The following FXR1 variants were observed in gnomAD, a reference collection of about 807,000 sequenced individuals.
FXR1 encodes the protein FMR1 autosomal homolog 1, also known as RNA-binding protein FXR1.
FXR1 carries 15 observed loss-of-function variants against 84.0 expected under a neutral mutation model. The observed-to-expected ratio is 0.18, with a 90% CI of 0.12 to 0.27. The LOEUF is 0.27. FXR1 is among the 10% of genes least tolerant of loss of function. The pLI is 1.00. For missense variants in FXR1, 480 were observed against 774.4 expected (o/e 0.62, Z 4.51); for synonymous variants, 245 against 250.7 (o/e 0.98, Z 0.21).
At chr3:180,951,038 G>C (rs1722182274) in intron 7 of FXR1, among the ~76,000 whole-genome samples, 1 of 151,658 alleles carries the variant, frequency 6.6e-6, no homozygotes, top group African/African-American at 2.4e-5. Context: ...CATAGTGAGA[G>C]CTCGTCTCTA....
chr3:180,925,564 G>A (rs745535677), intron 1 of FXR1, among the ~76,000 whole-genome samples: 1 of 152,120 alleles, frequency 6.6e-6, no homozygotes, highest in Non-Finnish European at 1.5e-5. Flanking sequence ...TTACCATCAG[G>A]TGCCACAGAA....
At chr3:180,923,173 T>C (rs1447099943) in intron 1 of FXR1, among the ~76,000 whole-genome samples, 1 of 152,204 alleles carries the variant, frequency 6.6e-6, no homozygotes, top group African/African-American at 2.4e-5. Flanking sequence ...GTTTGAAAGT[T>C]GTTTTTCTTG....
chr3:180,933,300 A>G (rs1576920667), intron 1 of FXR1, 34 bp from the exon 2 acceptor site: 1 of 1,292,130 alleles, frequency 7.7e-7, no homozygotes, highest in Non-Finnish European at 1.1e-6. Flanking sequence ...GTGCTTTAAT[A>G]TCTATGCTTT....
rs566921532 is a variant in FXR1, at chr3:180,947,413, G to A, written c.199-452G>A. 1.1e-4 allele frequency among the ~76,000 whole-genome samples: 16 copies of A among 152,204 alleles called. No individual in the cohort carries two copies. The East Asian group carries it at 2.5e-3, about 24-fold the overall frequency. ...TGGACTGAATGTGTGTAATTTTTTTGTTCAGTTAAACAATTTTAGTACATT... is the reference window on the plus strand; with the variant it reads ...TGGACTGAATGTGTGTAATTTTTTTATTCAGTTAAACAATTTTAGTACATT... On this transcript the variant is annotated intron_variant, in intron 3 of 16. Transcript: ENST00000357559.
intron 10 of FXR1, among the ~76,000 whole-genome samples, chr3:180,960,405 A>G (rs913819309): frequency 1.3e-5 from 2 of 152,336 alleles, no homozygotes; most frequent in East Asian, 3.9e-4. Context: ...CTTTAAAGCT[A>G]TACCTACTAA....
chr3:180,919,695 A>T (rs950983400), intron 1 of FXR1, among the ~76,000 whole-genome samples: 2 of 148,296 alleles, frequency 1.3e-5, no homozygotes, highest in Non-Finnish European at 3.0e-5. Flanking sequence ...TTATTTTGAG[A>T]TGGAGTCTTG....
chr3:180,965,915 T>C (rs910628673), intron 13 of FXR1, among the ~76,000 whole-genome samples: 2 of 152,196 alleles, frequency 1.3e-5, no homozygotes, highest in African/African-American at 4.8e-5. Context: ...CTTTACTTGC[T>C]GTGACACGGG....
chr3:180,948,701 A>G lies in FXR1; in HGVS notation c.420-20A>G, dbSNP rs1259572747. On this transcript the variant is annotated intron_variant, in intron 5 of 16. Coordinates refer to ENST00000357559, the MANE Select transcript of FXR1 (RefSeq NM_005087.4). ...TTAATCTGTTATTGAGTTCTTACACATAAATTGATTTCTCTCTAGGTGTGC... is the reference window on the plus strand; with the variant it reads ...TTAATCTGTTATTGAGTTCTTACACGTAAATTGATTTCTCTCTAGGTGTGC... 6.2e-6 allele frequency: 8 copies of G among 1,290,908 alleles called. No individual in the cohort carries two copies. The African/African-American group carries it at 8.8e-5, about 14-fold the overall frequency. The allele number at this position is 1,290,908 out of a possible 1,614,324, so 80.0% of individuals were successfully genotyped here.
chr3:180,980,570 T>G lies in FXR1; in HGVS notation c.*4278T>G, dbSNP rs2108503401. 6.6e-6 allele frequency: 1 copy of G among 152,128 alleles called. No homozygotes were observed. Among genetic ancestry groups the G allele is most frequent in the South Asian group, 2.1e-4 (1 of 4,828 alleles). 9.4% of individuals were successfully genotyped at this position (152,128 alleles called of 1,614,324 possible). A position where few individuals can be genotyped will look rare whatever the true frequency, so the allele number is the denominator to read the frequency against. On this transcript the variant is annotated 3_prime_UTR_variant, in exon 17 of 17. Coordinates refer to ENST00000357559, the MANE Select transcript of FXR1 (RefSeq NM_005087.4). ...CTTACATTTCAACCTCTAGGCTTCCTTTTTCAGCTAACTTGGCTGTCTTCA... is the reference window on the plus strand; with the variant it reads ...CTTACATTTCAACCTCTAGGCTTCCGTTTTCAGCTAACTTGGCTGTCTTCA...
chr3:180,965,456 A>G (rs1293821121), intron 13 of FXR1, among the ~76,000 whole-genome samples: 1 of 151,854 alleles, frequency 6.6e-6, no homozygotes, highest in African/African-American at 2.4e-5. Flanking sequence ...AATTATCACA[A>G]ACTTAGAGGC....
Position 180,975,692 on chromosome 3 carries a change from C to A in FXR1, c.1695+288C>A, listed in dbSNP as rs1490344523. 2.6e-5 allele frequency among the ~76,000 whole-genome samples: 4 copies of A among 152,090 alleles called. No homozygotes were observed. The East Asian group carries it at 7.7e-4, about 29-fold the overall frequency. On this transcript the variant is annotated intron_variant, in intron 16 of 16. Transcript: ENST00000357559. ...TAATTCAGGAGCAATAGGCTATATA[C>A]CTCTTCTCATTGATGGATATAGACC...
At chr3:180,972,973 C>G (rs926406502) in intron 15 of FXR1, among the ~76,000 whole-genome samples, 1 of 152,190 alleles carries the variant, frequency 6.6e-6, no homozygotes, top group African/African-American at 2.4e-5. Context: ...CTCAAAATTT[C>G]TTGTTGCTCT....
chr3:180,928,517 A>G (rs938510704), intron 1 of FXR1, among the ~76,000 whole-genome samples: 4 of 151,816 alleles, frequency 2.6e-5, no homozygotes, highest in African/African-American at 9.7e-5. Flanking sequence ...GGCATATTGA[A>G]ATTTTTATAA....
At chr3:180,928,090 G>GT (rs1444493401) in intron 1 of FXR1, among the ~76,000 whole-genome samples, 1 of 148,466 alleles carries the variant, frequency 6.7e-6, no homozygotes, top group African/African-American at 2.5e-5. Flanking sequence ...AATTGTTACT[G>GT]ATTTTTTTTT....
intron 3 of FXR1, among the ~76,000 whole-genome samples, chr3:180,939,306 G>A (rs949044802): frequency 1.3e-5 from 2 of 152,020 alleles, no homozygotes; most frequent in Non-Finnish European, 2.9e-5. Context: ...ATATCTGATC[G>A]CCTTAGTTAT....
At chr3:180,939,949 A>G (rs1261746502) in intron 3 of FXR1, among the ~76,000 whole-genome samples, 1 of 152,208 alleles carries the variant, frequency 6.6e-6, no homozygotes, top group Non-Finnish European at 1.5e-5. Flanking sequence ...TAGGTCAGAA[A>G]TGGTTAAGTA....
At chr3:180,920,331 G>C (rs1482383832) in intron 1 of FXR1, among the ~76,000 whole-genome samples, 2 of 152,000 alleles carry the variant, frequency 1.3e-5, no homozygotes, top group Non-Finnish European at 2.9e-5. Context: ...TGAATGATGT[G>C]TAATCTTAGT....
intron 9 of FXR1, among the ~76,000 whole-genome samples, chr3:180,955,256 C>T (rs1018492350): frequency 1.3e-5 from 2 of 152,050 alleles, no homozygotes; most frequent in Non-Finnish European, 2.9e-5. Context: ...ACCTCGGCCT[C>T]CCAAAGTGCT....
intron 2 of FXR1, among the ~76,000 whole-genome samples, chr3:180,934,863 T>A (rs1246802243): frequency 6.6e-6 from 1 of 152,184 alleles, no homozygotes; most frequent in Non-Finnish European, 1.5e-5. Context: ...GCTCTTATGA[T>A]GAGTAATTTG....
Sources: allele counts gnomAD v4.1 joint callset (sites outside exome capture counted in the v4.1 genomes callset), GRCh38; gene constraint gnomAD v4.1.1; transcripts MANE v1.5; gene names NCBI Gene and HGNC (gene_info 2026-07-23, HGNC 2026-07-21).